The following TAPT1 variants were observed in gnomAD, a reference collection of about 807,000 sequenced individuals.
TAPT1 encodes the protein transmembrane anterior posterior transformation protein 1 homolog.
TAPT1 carries 28 observed loss-of-function variants against 65.6 expected under a neutral mutation model. The ratio of observed to expected loss-of-function variants is 0.43; its 90% CI spans 0.32 to 0.59. TAPT1 has a LOEUF of 0.59. TAPT1 is among the 20% of genes least tolerant of loss of function. The pLI, the probability that TAPT1 is intolerant of heterozygous loss-of-function variation, is 0.09. For missense variants in TAPT1, 563 were observed against 679.9 expected, an observed-to-expected ratio of 0.83 and a Z score of 1.91; for synonymous variants, 278 against 245.2, an observed-to-expected ratio of 1.13 and a Z score of -1.25.
At chr4:16,208,517 C>T (rs1750469587) in intron 2 of TAPT1, among the ~76,000 whole-genome samples, 1 of 152,118 alleles carries the variant, frequency 6.6e-6, no homozygotes, top group South Asian at 2.1e-4. Context: ...CAATGCCCAC[C>T]CCATTTCTTT....
chr4:16,188,369 T>C lies in TAPT1; in HGVS notation c.613-14A>G. 6.6e-7 allele frequency: 1 copy of C among 1,512,308 alleles called. No individual in the cohort carries two copies. The highest frequency in any genetic ancestry group is 1.8e-4 in the Middle Eastern group (1 of 5,650). The allele number at this position is 1,512,308 out of a possible 1,614,324, so 93.7% of individuals were successfully genotyped here. A position where few individuals can be genotyped will look rare whatever the true frequency, so the allele number is the denominator to read the frequency against. On this transcript the variant is annotated splice_polypyrimidine_tract_variant and intron_variant, in intron 4 of 13. Coordinates refer to ENST00000405303, the MANE Select transcript of TAPT1 (RefSeq NM_153365.3). The stretch of plus-strand genomic sequence containing the variant: ...ACGATCAGCTACCTAAAAAAAAAAA[T>C]TATTTGTAAGATGTTTCTTAATATT...
At chr4:16,209,455 A>G (rs1231201387) in intron 2 of TAPT1, among the ~76,000 whole-genome samples, 1 of 152,200 alleles carries the variant, frequency 6.6e-6, no homozygotes, top group Non-Finnish European at 1.5e-5. Flanking sequence ...TTAAGTGTGT[A>G]AGTGATCTTT....
chr4:16,217,437 C>T (rs1232794900), intron 1 of TAPT1, among the ~76,000 whole-genome samples: 1 of 152,128 alleles, frequency 6.6e-6, no homozygotes, highest in Non-Finnish European at 1.5e-5. Flanking sequence ...AACGGAGTGG[C>T]CAAATTAGTC....
intron 8 of TAPT1, chr4:16,179,329 G>A: frequency 2.6e-6 from 1 of 381,004 alleles, no homozygotes; most frequent in Non-Finnish European, 4.8e-6. Context: ...ACACAGAAAA[G>A]GACACTAGGA....
chr4:16,219,624 C>G (rs537878611), intron 1 of TAPT1, among the ~76,000 whole-genome samples: 12 of 152,344 alleles, frequency 7.9e-5, no homozygotes, highest in African/African-American at 2.9e-4. Context: ...TTCTCACCTA[C>G]TCCTGCGTAA....
rs1292150405 is a variant in TAPT1 at position 16,213,747 on chromosome 4, G to A, written c.330+21C>T. On this transcript the variant is annotated intron_variant, in intron 2 of 13. Transcript: ENST00000405303. Reference sequence around the variant, plus strand: ...GACATAACTTTCAAAATGATGTCTGGTAATGAAGAAAAAATAGTACCTTTT... The same window carrying A: ...GACATAACTTTCAAAATGATGTCTGATAATGAAGAAAAAATAGTACCTTTT... The A allele has an allele frequency of 5.2e-6, 8 of 1,529,856 alleles. No individual in the cohort carries two copies. In the African/African-American group the frequency reaches 7.2e-5, roughly 14 times the overall value. 94.8% of individuals were successfully genotyped at this position (1,529,856 alleles called of 1,614,324 possible).
At chr4:16,226,972 G>C (rs1751618682), upstream of TAPT1, 1 of 447,868 alleles carries the variant, frequency 2.2e-6, no homozygotes, top group Non-Finnish European at 4.5e-6. Flanking sequence ...CGCCCGCCAG[G>C]TCTTGGCACT....
chr4:16,217,429 C>T lies in TAPT1; in HGVS notation c.200-3531G>A, dbSNP rs146816250. On this transcript the variant is annotated intron_variant, in intron 1 of 13. Transcript: ENST00000405303. ...AGAAAAGAAAGAATTAGACATAAAACGGAGTGGCCAAATTAGTCTCTTTAG... is the reference window on the plus strand; with the variant it reads ...AGAAAAGAAAGAATTAGACATAAAATGGAGTGGCCAAATTAGTCTCTTTAG... 3.4e-4 allele frequency among the ~76,000 whole-genome samples: 51 copies of T among 152,196 alleles called. No individual in the cohort carries two copies. The East Asian group carries it at 9.6e-3, about 29-fold the overall frequency.
intron 4 of TAPT1, among the ~76,000 whole-genome samples, chr4:16,189,744 T>C (rs951655552): frequency 1.3e-5 from 2 of 152,244 alleles, no homozygotes; most frequent in Non-Finnish European, 2.9e-5. Flanking sequence ...AATACGTATA[T>C]AAATCATTTT....
chr4:16,210,225 C>T (rs992114006), intron 2 of TAPT1, among the ~76,000 whole-genome samples: 2 of 152,120 alleles, frequency 1.3e-5, no homozygotes, highest in African/African-American at 4.8e-5. Flanking sequence ...GGTCAGCAAC[C>T]CAAGAGGGCC....
intron 1 of TAPT1, chr4:16,225,926 C>G: frequency 1.0e-6 from 1 of 988,696 alleles, no homozygotes; most frequent in South Asian, 4.7e-5. Flanking sequence ...CGTTTGGGCT[C>G]CGAGACGTGG....
chr4:16,220,855 GTC>G (rs1267640922), intron 1 of TAPT1, among the ~76,000 whole-genome samples: 4 of 151,674 alleles, frequency 2.6e-5, no homozygotes, highest in African/African-American at 9.7e-5. Context: ...TTGAGACAGG[GTC>G]TCACTCTGTT....
At chr4:16,177,369 G>A (rs1436983828) in intron 8 of TAPT1, among the ~76,000 whole-genome samples, 1 of 152,068 alleles carries the variant, frequency 6.6e-6, no homozygotes, top group Non-Finnish European at 1.5e-5. Context: ...GTAAGAGTGG[G>A]ACACAGCAAG....
intron 1 of TAPT1, chr4:16,214,462 A>G (rs1021259967): frequency 1.3e-5 from 2 of 152,162 alleles, no homozygotes; most frequent in African/African-American, 2.4e-5. Flanking sequence ...GCGAAGTGCA[A>G]CCTCAACCGG....
chr4:16,213,745 T>C, intron 2 of TAPT1, 23 bp downstream of exon 2: 2 of 1,530,306 alleles, frequency 1.3e-6, no homozygotes, highest in Non-Finnish European at 1.7e-6. Context: ...AAATGATGTC[T>C]GGTAATGAAG....
intron 5 of TAPT1, among the ~76,000 whole-genome samples, chr4:16,187,714 T>C (rs2149688468): frequency 6.6e-6 from 1 of 152,256 alleles, no homozygotes; most frequent in Middle Eastern, 3.4e-3. Context: ...GTACACTGCT[T>C]ATACAGTAAA....
At chr4:16,217,341 T>C (rs947670333) in intron 1 of TAPT1, among the ~76,000 whole-genome samples, 4 of 152,060 alleles carry the variant, frequency 2.6e-5, no homozygotes, top group African/African-American at 4.8e-5. Flanking sequence ...AGAAAAATCA[T>C]AGAGAACAAA....
intron 1 of TAPT1, among the ~76,000 whole-genome samples, chr4:16,225,555 A>T (rs1751500475): frequency 6.6e-6 from 1 of 152,234 alleles, no homozygotes; most frequent in Admixed American, 6.5e-5. Context: ...AGTTTTAAAA[A>T]TTCTTTTAAA....
At chr4:16,218,385 C>T (rs1317092319) in intron 1 of TAPT1, among the ~76,000 whole-genome samples, 1 of 152,188 alleles carries the variant, frequency 6.6e-6, no homozygotes, top group Non-Finnish European at 1.5e-5. Context: ...GCCTGGGTGA[C>T]AAGAGTGAAA....
Sources: gnomAD v4.1 joint callset for allele counts (sites outside exome capture counted in the v4.1 genomes callset) on GRCh38, gnomAD v4.1.1 for gene constraint, MANE v1.5 for transcripts, NCBI Gene and HGNC (gene_info 2026-07-23, HGNC 2026-07-21) for gene names.